Variants in SUPT3H observed in about 807,000 individuals in gnomAD.
SUPT3H encodes the protein SPT3 homolog, SAGA and STAGA complex component, also known as transcription initiation protein SPT3 homolog.
In SUPT3H, 44 loss-of-function variants were observed where a neutral mutation model predicts 44.3. The observed-to-expected ratio is 0.99, with a 90% CI of 0.78 to 1.28. SUPT3H has a LOEUF of 1.28. Ranked by LOEUF, SUPT3H falls within the 50% of genes most tolerant of loss-of-function variation. SUPT3H has a pLI of 0.00. For synonymous variants in SUPT3H, 124 were observed against 125.6 expected, an observed-to-expected ratio of 0.99 and a Z score of 0.09; for missense variants, 380 against 387.1, an observed-to-expected ratio of 0.98 and a Z score of 0.15.
intron 10 of SUPT3H, among the ~76,000 whole-genome samples, chr6:44,931,603 TATATA>T (rs1232793105): frequency 6.6e-6 from 1 of 152,150 alleles, no homozygotes; most frequent in Non-Finnish European, 1.5e-5. Flanking sequence ...ATCATGTTCT[TATATA>T]AGATAAACTT....
At chr6:44,848,475 G>A (rs1772288285) in intron 10 of SUPT3H, among the ~76,000 whole-genome samples, 1 of 152,148 alleles carries the variant, frequency 6.6e-6, no homozygotes, top group Non-Finnish European at 1.5e-5. Flanking sequence ...AGGCTAGGGA[G>A]AAAAATCAAA....
At chr6:45,225,929 T>C (rs2153637584) in intron 2 of SUPT3H, among the ~76,000 whole-genome samples, 1 of 152,030 alleles carries the variant, frequency 6.6e-6, no homozygotes, top group East Asian at 1.9e-4. Context: ...GCAATAAACA[T>C]GGAGCCAACT....
intron 3 of SUPT3H, among the ~76,000 whole-genome samples, chr6:45,068,072 A>C (rs1372047099): frequency 1.4e-5 from 2 of 141,720 alleles, no homozygotes; most frequent in Non-Finnish European, 3.1e-5. Context: ...CCAAATGTCC[A>C]ACAATGATAG....
chr6:44,906,237 CGA>C (rs1344946655), intron 10 of SUPT3H, among the ~76,000 whole-genome samples: 1 of 151,902 alleles, frequency 6.6e-6, no homozygotes, highest in Non-Finnish European at 1.5e-5. Context: ...GCTTTTTACT[CGA>C]GTGTTAATGA....
intron 10 of SUPT3H, among the ~76,000 whole-genome samples, chr6:44,869,085 T>G (rs565284475): frequency 2.2e-4 from 33 of 152,336 alleles, no homozygotes; most frequent in African/African-American, 7.2e-4. Flanking sequence ...GACTCTGTGC[T>G]CACATGGATG....
At chr6:45,130,392 G>T (rs1395718076) in intron 2 of SUPT3H, among the ~76,000 whole-genome samples, 2 of 152,042 alleles carry the variant, frequency 1.3e-5, no homozygotes, top group Non-Finnish European at 2.9e-5. Context: ...TCCACTGTAT[G>T]AATATACCAC....
chr6:45,253,074 CAT>C (rs1020763767), intron 2 of SUPT3H, among the ~76,000 whole-genome samples: 4 of 151,882 alleles, frequency 2.6e-5, no homozygotes, highest in Non-Finnish European at 5.9e-5. Context: ...AAAAAAGACT[CAT>C]GTGTGACATG....
At chr6:45,060,278 C>T (rs1361026532) in intron 3 of SUPT3H, among the ~76,000 whole-genome samples, 1 of 151,940 alleles carries the variant, frequency 6.6e-6, no homozygotes, top group Non-Finnish European at 1.5e-5. Context: ...GAATAGAGAT[C>T]TCAGAAATAA....
intron 3 of SUPT3H, among the ~76,000 whole-genome samples, chr6:45,048,221 CTTTTTTTTTTTTTT>C (rs67557043): frequency 1.2e-4 from 11 of 88,198 alleles, no homozygotes; most frequent in Admixed American, 2.1e-4. Context: ...TCTCTCTACT[CTTTTTTTTTTTTTT>C]TTTTTTTTTT....
In SUPT3H at chr6:44,930,768, C is replaced by G. The variant is rs542259891; in HGVS notation, c.912+1885G>C. 2.6e-5 allele frequency among the ~76,000 whole-genome samples: 4 copies of G among 152,240 alleles called. No individual in the cohort carries two copies. In the South Asian group the frequency reaches 8.3e-4, roughly 32 times the overall value. On this transcript the variant is annotated intron_variant, in intron 10 of 10. Coordinates refer to ENST00000371459, the MANE Select transcript of SUPT3H (RefSeq NM_003599.4). ...TTGTTCTACTAGCGGCTAACTGAAC[C>G]TTCCAGGTCATGGCTTGTTTTATTT...
chr6:44,893,614 T>G (rs1194050692), intron 10 of SUPT3H, among the ~76,000 whole-genome samples: 1 of 152,082 alleles, frequency 6.6e-6, no homozygotes, highest in Non-Finnish European at 1.5e-5. Context: ...CTTAATCCAG[T>G]CTATCATTGT....
At chr6:44,995,862 A>C (rs1267948297) in intron 6 of SUPT3H, among the ~76,000 whole-genome samples, 3 of 152,036 alleles carry the variant, frequency 2.0e-5, no homozygotes, top group Non-Finnish European at 2.9e-5. Context: ...AACAGCATAA[A>C]TTTATAAATT....
At chr6:45,315,484 C>G (rs1212576089) in intron 2 of SUPT3H, among the ~76,000 whole-genome samples, 3 of 152,102 alleles carry the variant, frequency 2.0e-5, no homozygotes, top group African/African-American at 7.2e-5. Flanking sequence ...ATAGACAACT[C>G]TCAAAAGAAG....
intron 2 of SUPT3H, among the ~76,000 whole-genome samples, chr6:45,147,660 T>A (rs957695864): frequency 6.6e-6 from 1 of 151,824 alleles, no homozygotes; most frequent in Non-Finnish European, 1.5e-5. Context: ...CCTGGTGTCA[T>A]AGGAAGAGGT....
intron 3 of SUPT3H, among the ~76,000 whole-genome samples, chr6:45,102,879 T>C (rs1017256330): frequency 1.1e-4 from 17 of 151,116 alleles, no homozygotes; most frequent in Admixed American, 4.0e-4. Context: ...TTGGAGATTG[T>C]AGTGAGCCGA....
chr6:45,262,671 C>T (rs1476369014), intron 2 of SUPT3H, among the ~76,000 whole-genome samples: 1 of 152,112 alleles, frequency 6.6e-6, no homozygotes, highest in East Asian at 1.9e-4. Context: ...TCTAATTAAA[C>T]TTCTGCACAG....
chr6:44,891,055 C>T (rs751986900), intron 10 of SUPT3H, among the ~76,000 whole-genome samples: 6 of 152,008 alleles, frequency 3.9e-5, no homozygotes, highest in Non-Finnish European at 7.4e-5. Flanking sequence ...GTGCAGGAAA[C>T]CACCATGGCA....
intron 10 of SUPT3H, among the ~76,000 whole-genome samples, chr6:44,897,230 A>T (rs924679241): frequency 3.9e-5 from 6 of 152,200 alleles, no homozygotes; most frequent in Non-Finnish European, 7.3e-5. Context: ...CTTTTTGAAA[A>T]AGCTGGGGTT....
chr6:45,037,414 T>G (rs1360219594), intron 3 of SUPT3H, among the ~76,000 whole-genome samples: 2 of 151,070 alleles, frequency 1.3e-5, no homozygotes, highest in Non-Finnish European at 2.9e-5. Context: ...TTTGGGAGGC[T>G]GAGGCGGGGG....
Sources: gnomAD v4.1 joint callset for allele counts (sites outside exome capture counted in the v4.1 genomes callset) on GRCh38, gnomAD v4.1.1 for gene constraint, MANE v1.5 for transcripts, NCBI Gene and HGNC (gene_info 2026-07-23, HGNC 2026-07-21) for gene names.